Variants in DSCAM observed in about 807,000 individuals in gnomAD.
DSCAM encodes the protein DS cell adhesion molecule.
Under a neutral mutation model 217.7 loss-of-function variants are expected in DSCAM, and 47 were observed. The observed-to-expected ratio is 0.22, with a 90% CI of 0.17 to 0.28. DSCAM has a LOEUF of 0.28. Ranked by LOEUF, DSCAM falls within the 10% of genes least tolerant of loss-of-function variation. DSCAM has a pLI of 1.00. For missense variants in DSCAM, 2,080 were observed against 2,618.3 expected, an observed-to-expected ratio of 0.79 and a Z score of 4.49; for synonymous variants, 1,056 against 1,015.3, an observed-to-expected ratio of 1.04 and a Z score of -0.76.
At chr21:40,526,686 C>T (rs894397622) in intron 3 of DSCAM, among the ~76,000 whole-genome samples, 5 of 152,138 alleles carry the variant, frequency 3.3e-5, no homozygotes, top group African/African-American at 1.2e-4. Flanking sequence ...TAGGGCACTT[C>T]AACAGAGGCC....
intron 3 of DSCAM, among the ~76,000 whole-genome samples, chr21:40,580,909 G>C (rs967698624): frequency 6.6e-6 from 1 of 152,146 alleles, no homozygotes; most frequent in African/African-American, 2.4e-5. Context: ...TTTTGAAAAA[G>C]AAAGACTGGA....
chr21:40,450,661 G>C (rs888674395), intron 3 of DSCAM, among the ~76,000 whole-genome samples: 10 of 152,180 alleles, frequency 6.6e-5, no homozygotes, highest in African/African-American at 2.4e-4. Context: ...TCATAGGCAT[G>C]AAGTTTATCT....
intron 3 of DSCAM, among the ~76,000 whole-genome samples, chr21:40,525,688 C>A (rs2076395093): frequency 6.6e-6 from 1 of 152,186 alleles, no homozygotes; most frequent in Non-Finnish European, 1.5e-5. Context: ...TATTTGTCAC[C>A]ATTTTCTCTT....
intron 1 of DSCAM, among the ~76,000 whole-genome samples, chr21:40,710,893 A>T (rs1343744491): frequency 1.3e-5 from 2 of 152,248 alleles, no homozygotes; most frequent in African/African-American, 4.8e-5. Context: ...AATAACATTT[A>T]TTGTATGCTT....
intron 3 of DSCAM, among the ~76,000 whole-genome samples, chr21:40,432,234 A>ATAAATAAATAAATAAT (rs2075541252): frequency 6.6e-6 from 1 of 151,778 alleles, no homozygotes; most frequent in South Asian, 2.1e-4. Flanking sequence ...AAATAAATAA[A>ATAAATAAATAAATAAT]TAAATATCTT....
At chr21:40,075,356 C>T (rs1279058327) in intron 26 of DSCAM, 143 bp from the exon 27 acceptor site, 1 of 871,032 alleles carries the variant, frequency 1.1e-6, no homozygotes, top group Non-Finnish European at 1.7e-6. Flanking sequence ...TGTCTCTAGG[C>T]CCTGGCTAAC....
At chr21:40,122,706 T>G (rs2837435) in intron 20 of DSCAM, among the ~76,000 whole-genome samples, 3 of 151,878 alleles carry the variant, frequency 2.0e-5, no homozygotes, top group African/African-American at 7.3e-5. Context: ...TGTTGTGGAG[T>G]CTAACTCTGA....
chr21:40,311,045 C>T (rs8126659), intron 9 of DSCAM, among the ~76,000 whole-genome samples: 28,471 of 151,782 alleles, frequency 0.19, 5,040 homozygotes, highest in African/African-American at 0.46. Flanking sequence ...TTCTTCCCAG[C>T]TGGCAAGGAA....
chr21:40,645,529 T>C (rs1024598133), intron 3 of DSCAM, among the ~76,000 whole-genome samples: 1 of 152,142 alleles, frequency 6.6e-6, no homozygotes, highest in African/African-American at 2.4e-5. Context: ...TTAGTAGGCA[T>C]CCACTATTTA....
At chr21:40,629,097 G>A (rs1343877538) in intron 3 of DSCAM, among the ~76,000 whole-genome samples, 1 of 120,208 alleles carries the variant, frequency 8.3e-6, no homozygotes, top group Non-Finnish European at 1.9e-5. Flanking sequence ...GTGTGTGTGT[G>A]TGTGTGTGTG....
chr21:40,170,253 G>A (rs1301167812), intron 15 of DSCAM, among the ~76,000 whole-genome samples: 1 of 152,154 alleles, frequency 6.6e-6, no homozygotes, highest in Non-Finnish European at 1.5e-5. Flanking sequence ...TAGGCCTGGG[G>A]ACCTGTCCCT....
rs190651736 is a variant in DSCAM at position 40,213,881 on chromosome 21, C to A, written c.2357-24643G>T. Reference sequence around the variant, plus strand: ...CAGGGCTCTTCCCCCAAAGACAGAACCCCTGGGTCCCTCATCCTTTCCGCA... The same window carrying A: ...CAGGGCTCTTCCCCCAAAGACAGAAACCCTGGGTCCCTCATCCTTTCCGCA... On this transcript the variant is annotated intron_variant, in intron 11 of 32. Coordinates refer to ENST00000400454, the MANE Select transcript of DSCAM (RefSeq NM_001389.5). Among the ~76,000 whole-genome samples the A allele has an allele frequency of 1.3e-3, 196 of 152,318 alleles. 1 individual carries two copies. Among genetic ancestry groups the A allele is most frequent in the Non-Finnish European group, 4.9e-4 (33 of 68,026 alleles).
chr21:40,779,438 T>G (rs1183701833), intron 1 of DSCAM, among the ~76,000 whole-genome samples: 2 of 152,212 alleles, frequency 1.3e-5, no homozygotes, highest in Non-Finnish European at 2.9e-5. Flanking sequence ...GTTTATACCC[T>G]TCAATGCTGT....
At chr21:40,657,200 G>A (rs913554248) in intron 3 of DSCAM, among the ~76,000 whole-genome samples, 1 of 152,158 alleles carries the variant, frequency 6.6e-6, no homozygotes, top group African/African-American at 2.4e-5. Context: ...GGTAGGTAAG[G>A]TTGCCTTACA....
intron 1 of DSCAM, among the ~76,000 whole-genome samples, chr21:40,754,961 C>CGGGA (rs2091261677): frequency 6.6e-6 from 1 of 152,214 alleles, no homozygotes; most frequent in Non-Finnish European, 1.5e-5. Context: ...AGAGAGTTTT[C>CGGGA]TAAATTCCCA....
chr21:40,070,732 C>T (rs1025573345), intron 27 of DSCAM, among the ~76,000 whole-genome samples: 3 of 152,294 alleles, frequency 2.0e-5, no homozygotes, highest in South Asian at 2.1e-4. Flanking sequence ...ATGAGGGGAG[C>T]TTTGGGCTCA....
At chr21:40,472,777 T>A (rs2075899600) in intron 3 of DSCAM, among the ~76,000 whole-genome samples, 1 of 152,196 alleles carries the variant, frequency 6.6e-6, no homozygotes, top group Non-Finnish European at 1.5e-5. Flanking sequence ...AGAGCAATTA[T>A]CTGAGGTGTG....
intron 8 of DSCAM, among the ~76,000 whole-genome samples, chr21:40,328,962 G>T (rs1341812193): frequency 6.6e-6 from 1 of 151,838 alleles, no homozygotes; most frequent in Non-Finnish European, 1.5e-5. Context: ...CCAAAATGAG[G>T]TTATCATCTC....
chr21:40,375,414 CCTT>C (rs1393573437), intron 3 of DSCAM, among the ~76,000 whole-genome samples: 1 of 152,254 alleles, frequency 6.6e-6, no homozygotes, highest in Non-Finnish European at 1.5e-5. Flanking sequence ...TCCACTCTCT[CCTT>C]CTTCCACCAT....
Sources: allele counts gnomAD v4.1 joint callset (sites outside exome capture counted in the v4.1 genomes callset), GRCh38; gene constraint gnomAD v4.1.1; transcripts MANE v1.5; gene names NCBI Gene and HGNC (gene_info 2026-07-23, HGNC 2026-07-21).